The following ROBO2 variants were observed in gnomAD, a reference collection of about 807,000 sequenced individuals.
The protein encoded by ROBO2 is roundabout homolog 2.
Under a neutral mutation model 160.8 loss-of-function variants are expected in ROBO2, and 53 were observed. The observed-to-expected ratio is 0.33, with a 90% confidence interval of 0.26 to 0.41. The LOEUF (loss-of-function observed/expected upper bound fraction) is 0.41, where lower values mean the gene tolerates loss of function less well. ROBO2 is among the 10% of genes least tolerant of loss of function. ROBO2 has a pLI of 1.00. For missense variants in ROBO2, 1,577 were observed against 1,722.4 expected (o/e 0.92, Z 1.49); for synonymous variants, 664 against 611.7 (o/e 1.09, Z -1.26).
intron 2 of ROBO2, among the ~76,000 whole-genome samples, chr3:76,791,026 T>C (rs2063319609): frequency 6.6e-6 from 1 of 151,790 alleles, no homozygotes; most frequent in African/African-American, 2.4e-5. Flanking sequence ...TTTCAGCAAA[T>C]GTTCTCTTCT....
intron 2 of ROBO2, among the ~76,000 whole-genome samples, chr3:77,380,117 G>A (rs2073245086): frequency 6.6e-6 from 1 of 152,178 alleles, no homozygotes. Context: ...TAATATTAAT[G>A]TGTGAAACAA....
chr3:76,497,494 C>T (rs1437047553), intron 2 of ROBO2, among the ~76,000 whole-genome samples: 2 of 152,208 alleles, frequency 1.3e-5, no homozygotes, highest in Non-Finnish European at 2.9e-5. Context: ...CCACACTGGG[C>T]AATGTCCCAT....
intron 2 of ROBO2, among the ~76,000 whole-genome samples, chr3:76,185,162 C>T (rs1264352106): frequency 1.1e-5 from 1 of 89,380 alleles, no homozygotes; most frequent in African/African-American, 3.9e-5. Flanking sequence ...TACAACTCTT[C>T]CATTTTTTTC....
chr3:76,414,782 A>C (rs1177724373), intron 2 of ROBO2, among the ~76,000 whole-genome samples: 8 of 151,896 alleles, frequency 5.3e-5, no homozygotes, highest in African/African-American at 1.7e-4. Flanking sequence ...AAAAAAAAGA[A>C]AAAGACAAAA....
intron 2 of ROBO2, among the ~76,000 whole-genome samples, chr3:77,345,489 A>G (rs1266555601): frequency 6.6e-6 from 1 of 152,160 alleles, no homozygotes; most frequent in African/African-American, 2.4e-5. Flanking sequence ...GAGAAACAGT[A>G]TATTTGGTAT....
At chr3:76,345,055 G>C (rs996063139) in intron 2 of ROBO2, among the ~76,000 whole-genome samples, 2 of 152,108 alleles carry the variant, frequency 1.3e-5, no homozygotes, top group African/African-American at 4.8e-5. Context: ...ACTCCTGAGC[G>C]CCACTGCCTT....
At chr3:77,175,486 C>G (rs1486768656) in intron 2 of ROBO2, among the ~76,000 whole-genome samples, 1 of 151,878 alleles carries the variant, frequency 6.6e-6, no homozygotes, top group Non-Finnish European at 1.5e-5. Context: ...AGGAATCGCT[C>G]AAAATTTTGA....
intron 2 of ROBO2, among the ~76,000 whole-genome samples, chr3:76,506,148 A>G (rs540990571): frequency 6.6e-6 from 1 of 152,304 alleles, no homozygotes; most frequent in Non-Finnish European, 1.5e-5. Flanking sequence ...TTTTACTTAC[A>G]AAGGGAAACT....
At chr3:77,525,097 A>G (rs765908905) in intron 6 of ROBO2, among the ~76,000 whole-genome samples, 2 of 151,376 alleles carry the variant, frequency 1.3e-5, no homozygotes, top group Non-Finnish European at 3.0e-5. Context: ...TTCTATGCAC[A>G]TAAATGAAAT....
intron 2 of ROBO2, among the ~76,000 whole-genome samples, chr3:77,473,955 G>T (rs1228771691): frequency 6.6e-6 from 1 of 152,020 alleles, no homozygotes; most frequent in African/African-American, 2.4e-5. Context: ...AATCCTCTGT[G>T]TCTCTTGAAG....
At chr3:76,301,816 G>A (rs1360072213) in intron 2 of ROBO2, among the ~76,000 whole-genome samples, 1 of 152,096 alleles carries the variant, frequency 6.6e-6, no homozygotes, top group African/African-American at 2.4e-5. Context: ...CCGAAGGGTT[G>A]TAAGTGGGAG....
intron 2 of ROBO2, among the ~76,000 whole-genome samples, chr3:76,079,829 A>G (rs1381714952): frequency 2.0e-5 from 3 of 152,146 alleles, no homozygotes; most frequent in Non-Finnish European, 1.5e-5. Context: ...ACTAACAACA[A>G]CAACAACAAA....
intron 2 of ROBO2, among the ~76,000 whole-genome samples, chr3:75,973,545 A>G: frequency 6.6e-6 from 1 of 151,694 alleles, no homozygotes; most frequent in East Asian, 1.9e-4. Flanking sequence ...CAAAAATAAA[A>G]CTTAAAACAA....
chr3:76,323,138 TACACACAC>T (rs71874425), intron 2 of ROBO2, among the ~76,000 whole-genome samples: 25 of 143,950 alleles, frequency 1.7e-4, no homozygotes, highest in South Asian at 8.8e-4. Flanking sequence ...TTGTTAGTAT[TACACACAC>T]ACACACACAC....
chr3:76,142,062 A>G (rs377065388), intron 2 of ROBO2, among the ~76,000 whole-genome samples: 6 of 152,052 alleles, frequency 3.9e-5, no homozygotes, highest in East Asian at 1.9e-4. Flanking sequence ...CACAAATGCA[A>G]TAACAAACGG....
At chr3:76,342,661 G>C (rs1440958038) in intron 2 of ROBO2, among the ~76,000 whole-genome samples, 2 of 152,062 alleles carry the variant, frequency 1.3e-5, no homozygotes, top group African/African-American at 4.8e-5. Context: ...GCAATTATAT[G>C]CTAGCCATGC....
At chr3:76,433,986 A>G in intron 2 of ROBO2, 2 of 842,286 alleles carry the variant, frequency 2.4e-6, no homozygotes, top group Non-Finnish European at 4.2e-6. Flanking sequence ...AGGGCAGTCC[A>G]GAGGTGAGTC....
intron 22 of ROBO2, among the ~76,000 whole-genome samples, chr3:77,620,624 G>A (rs1170535395): frequency 3.9e-5 from 6 of 152,176 alleles, no homozygotes; most frequent in African/African-American, 7.2e-5. Flanking sequence ...GTTAAAGATT[G>A]AAGATTGGGA....
intron 21 of ROBO2, among the ~76,000 whole-genome samples, chr3:77,610,393 C>T (rs2094604695): frequency 6.6e-6 from 1 of 152,046 alleles, no homozygotes; most frequent in African/African-American, 2.4e-5. Context: ...TGCACACACA[C>T]AAACACACAC....
Sources: allele counts gnomAD v4.1 joint callset (sites outside exome capture counted in the v4.1 genomes callset), GRCh38; gene constraint gnomAD v4.1.1; transcripts MANE v1.5; gene names NCBI Gene and HGNC (gene_info 2026-07-23, HGNC 2026-07-21).